Variants in RAB8A observed in about 807,000 individuals in gnomAD.
RAB8A encodes RAB8A, member RAS oncogene family, also known as ras-related protein Rab-8A.
A neutral mutation model predicts 29.2 loss-of-function variants in RAB8A; 5 were observed. The ratio of observed to expected loss-of-function variants is 0.17; its 90% CI spans 0.09 to 0.36. The LOEUF (loss-of-function observed/expected upper bound fraction) is 0.36, where lower values mean the gene tolerates loss of function less well. Among genes scored for constraint, RAB8A ranks in the 10% least tolerant of loss-of-function variants. The pLI is 1.00. For synonymous variants in RAB8A, 108 were observed against 99.9 expected (o/e 1.08, Z -0.49); for missense variants, 171 against 272.2 (o/e 0.63, Z 2.62).
intron 1 of RAB8A, among the ~76,000 whole-genome samples, chr19:16,113,495 G>A (rs903244802): frequency 1.3e-5 from 2 of 152,038 alleles, no homozygotes; most frequent in African/African-American, 4.8e-5. Context: ...TCTGCCTCCC[G>A]GGTTCAAGCA....
In RAB8A at chr19:16,122,049, C is replaced by A; in HGVS notation, c.246+239C>A. 4.6e-6 allele frequency: 2 copies of A among 437,194 alleles called. No individual in the cohort carries two copies. The highest frequency in any genetic ancestry group is 6.8e-5 in the East Asian group (2 of 29,366). 27.1% of individuals were successfully genotyped at this position (437,194 alleles called of 1,614,324 possible). On this transcript the variant is annotated intron_variant, in intron 3 of 7. Coordinates refer to ENST00000300935, the MANE Select transcript of RAB8A (RefSeq NM_005370.5). The surrounding 1 kb of genome is among the most constrained non-coding windows in gnomAD (Gnocchi z 4.7). ...GTTTAAATAAAGTGGAAACATAATTCTTTGGGAATGAAGAAAGACACAGGA... is the reference window on the plus strand; with the variant it reads ...GTTTAAATAAAGTGGAAACATAATTATTTGGGAATGAAGAAAGACACAGGA...
chr19:16,120,053 T>G (rs1009001728), intron 2 of RAB8A, among the ~76,000 whole-genome samples: 1 of 151,860 alleles, frequency 6.6e-6, no homozygotes. Flanking sequence ...ATTCAGGTGA[T>G]CCACCCGCCT....
rs553422810 is a variant in RAB8A at position 16,134,048 on chromosome 19, C to G, written c.*1744C>G. 5 of 152,340 alleles carry G rather than the reference C, an allele frequency of 3.3e-5. No individual in the cohort carries two copies. The highest frequency in any genetic ancestry group is 7.3e-5 in the Non-Finnish European group (5 of 68,146). The allele number at this position is 152,340 out of a possible 1,614,324, so 9.4% of individuals were successfully genotyped here. ...CCAGGGTCCTTCCCAAGACCACACC[C>G]AGGTCCAGTCATTCCCTAGGACTTG... is the stretch of plus-strand genomic sequence containing the variant. On this transcript the variant is annotated 3_prime_UTR_variant, in exon 8 of 8. Coordinates refer to ENST00000300935, the MANE Select transcript of RAB8A (RefSeq NM_005370.5).
At chr19:16,128,416 C>G (rs2090911140) in intron 6 of RAB8A, among the ~76,000 whole-genome samples, 1 of 152,164 alleles carries the variant, frequency 6.6e-6, no homozygotes, top group East Asian at 1.9e-4. Context: ...TGTGTTTACC[C>G]TCTCAGCCAC....
At chr19:16,112,317 C>T (rs1170512273) in intron 1 of RAB8A, 5 of 439,574 alleles carry the variant, frequency 1.1e-5, no homozygotes, top group Admixed American at 1.1e-4. Flanking sequence ...TCCTCTCGAT[C>T]TGTCCTAGCA....
chr19:16,124,994 C>G, intron 3 of RAB8A: 2 of 168,830 alleles, frequency 1.2e-5, no homozygotes, highest in Non-Finnish European at 2.6e-5. Context: ...GATGTCGGGT[C>G]AGGACTTCCT....
rs2090846114 is a variant in RAB8A at position 16,116,478 on chromosome 19, T to C, written c.125-1748T>C. On this transcript the variant is annotated intron_variant, in intron 1 of 7. Coordinates refer to ENST00000300935, the MANE Select transcript of RAB8A (RefSeq NM_005370.5). ...AGTGGCTTTGGGTACATTCACAGAG[T>C]TCCACAACCATCACCACAGGCAATT... Among the ~76,000 whole-genome samples the C allele has an allele frequency of 4.6e-5, 7 of 152,226 alleles. No homozygotes were observed. In the South Asian group the frequency reaches 1.5e-3, roughly 32 times the overall value.
Position 16,127,826 on chromosome 19 carries a change from C to T in RAB8A, c.415-200C>T. 1 of 645,398 alleles carries T rather than the reference C, an allele frequency of 1.5e-6. No homozygotes were observed. The highest frequency in any genetic ancestry group is 2.8e-6 in the Non-Finnish European group (1 of 359,984). 40.0% of individuals were successfully genotyped at this position (645,398 alleles called of 1,614,324 possible). On this transcript the variant is annotated intron_variant, in intron 5 of 7. Coordinates refer to ENST00000300935, the MANE Select transcript of RAB8A (RefSeq NM_005370.5). The surrounding 1 kb of genome is among the most constrained non-coding windows in gnomAD (Gnocchi z 4.8). ...ACCCTCCCATCTCAGCTGCCATCCC[C>T]AGCAACTCCATGCCCTGTGAGGCCC... is the stretch of plus-strand genomic sequence containing the variant.
At position 16,132,512 on chromosome 19, in the gene RAB8A, A is replaced by T; in HGVS notation, c.*208A>T. The T allele has an allele frequency of 5.1e-6, 3 of 586,268 alleles. No homozygotes were observed. The highest frequency in any genetic ancestry group is 9.1e-6 in the Non-Finnish European group (3 of 329,798). The allele number at this position is 586,268 out of a possible 1,614,324, so 36.3% of individuals were successfully genotyped here. ...ACTTTGGAGATGGAATAAGTTAAAA[A>T]TTTGCTATTTTTCCTGTAACATCTG... On this transcript the variant is annotated 3_prime_UTR_variant, in exon 8 of 8. Coordinates refer to ENST00000300935, the MANE Select transcript of RAB8A (RefSeq NM_005370.5). This position sits in a 1 kb window ranked among gnomAD's most constrained non-coding sequence, Gnocchi z 5.6.
chr19:16,130,509 C>T (rs1169792036), intron 7 of RAB8A, among the ~76,000 whole-genome samples: 4 of 152,190 alleles, frequency 2.6e-5, no homozygotes, highest in Non-Finnish European at 4.4e-5. Flanking sequence ...TTAATAGCAG[C>T]TCTTTGGCCA....
rs2090933801 is a variant in RAB8A, at chr19:16,132,837, G to A, written c.*533G>A. 6.4e-6 allele frequency: 1 copy of A among 155,110 alleles called. No individual in the cohort carries two copies. The highest frequency in any genetic ancestry group is 2.4e-5 in the African/African-American group (1 of 41,438). The allele number at this position is 155,110 out of a possible 1,614,324, so 9.6% of individuals were successfully genotyped here. A position where few individuals can be genotyped will look rare whatever the true frequency, so the allele number is the denominator to read the frequency against. On this transcript the variant is annotated 3_prime_UTR_variant, in exon 8 of 8. Coordinates refer to ENST00000300935, the MANE Select transcript of RAB8A (RefSeq NM_005370.5). This position sits in a 1 kb window ranked among gnomAD's most constrained non-coding sequence, Gnocchi z 5.6. ...CACTTCCACCTCTTCTCTCAGTTTT[G>A]GACAAGTGACAAACCATTTTGCCCC... is the stretch of plus-strand genomic sequence containing the variant.
At chr19:16,117,056 G>A (rs564833135) in intron 1 of RAB8A, among the ~76,000 whole-genome samples, 33 of 152,276 alleles carry the variant, frequency 2.2e-4, no homozygotes, top group African/African-American at 7.9e-4. Context: ...GCTTCTCTCA[G>A]CATCCTGTCT....
In RAB8A at chr19:16,121,824, G is replaced by T. The variant is rs760292472; in HGVS notation, c.246+14G>T. The T allele has an allele frequency of 1.2e-6, 2 of 1,609,722 alleles. No individual in the cohort carries two copies. Among genetic ancestry groups the T allele is most frequent in the South Asian group, 2.2e-5 (2 of 90,994 alleles). ...AGGGGTGCAATGGTAGGGACTTTTT[G>T]TTTGGTTGTTTTTATCTGCTTTTTA... On this transcript the variant is annotated intron_variant, in intron 3 of 7. Coordinates refer to ENST00000300935, the MANE Select transcript of RAB8A (RefSeq NM_005370.5).
At chr19:16,130,006 G>T (rs1365376171) in intron 7 of RAB8A, among the ~76,000 whole-genome samples, 1 of 152,176 alleles carries the variant, frequency 6.6e-6, no homozygotes, top group African/African-American at 2.4e-5. Flanking sequence ...AAGCATGGCA[G>T]ATCAAGAACC....
intron 1 of RAB8A, among the ~76,000 whole-genome samples, chr19:16,116,215 G>A (rs1001248393): frequency 1.3e-5 from 2 of 152,154 alleles, no homozygotes; most frequent in African/African-American, 4.8e-5. Context: ...CCCCGAGTCA[G>A]GAGCATGCTT....
chr19:16,124,582 G>A (rs1390930968), intron 3 of RAB8A: 1 of 152,190 alleles, frequency 6.6e-6, no homozygotes, highest in East Asian at 1.9e-4. Flanking sequence ...GGCCCGCTGT[G>A]GGCACTCCAC....
chr19:16,129,477 C>T, intron 6 of RAB8A, 77 bp from the exon 7 acceptor site: 1 of 1,458,664 alleles, frequency 6.9e-7, no homozygotes, highest in South Asian at 1.1e-5. Flanking sequence ...AGCTGTCTCA[C>T]CACACCCGCT....
chr19:16,122,102 C>A lies in RAB8A; in HGVS notation c.246+292C>A. The stretch of plus-strand genomic sequence containing the variant: ...CCGGTTCTTCCAGGTGAGCTCAGTG[C>A]AGTTAAAGCCGGCATGCCCCGACTT... On this transcript the variant is annotated intron_variant, in intron 3 of 7. Coordinates refer to ENST00000300935, the MANE Select transcript of RAB8A (RefSeq NM_005370.5). This position sits in a 1 kb window ranked among gnomAD's most constrained non-coding sequence, Gnocchi z 4.7. The A allele has an allele frequency of 3.1e-6, 1 of 320,998 alleles. No individual in the cohort carries two copies. The highest frequency in any genetic ancestry group is 5.1e-5 in the East Asian group (1 of 19,504). 19.9% of individuals were successfully genotyped at this position (320,998 alleles called of 1,614,324 possible).
intron 1 of RAB8A, among the ~76,000 whole-genome samples, chr19:16,115,811 C>T (rs1357882285): frequency 6.6e-6 from 1 of 152,056 alleles, no homozygotes; most frequent in Non-Finnish European, 1.5e-5. Flanking sequence ...AGTTCCCTGC[C>T]CCAGGGAGCT....
Sources: gnomAD v4.1 joint callset for allele counts (sites outside exome capture counted in the v4.1 genomes callset) on GRCh38, gnomAD v4.1.1 for gene constraint, Gnocchi (gnomAD v3.1) non-coding constraint, MANE v1.5 for transcripts, NCBI Gene and HGNC (gene_info 2026-07-23, HGNC 2026-07-21) for gene names.